L3MBTL3: variants seen among roughly 807,000 people sequenced by gnomAD.
L3MBTL3 encodes L3MBTL histone methyl-lysine binding protein 3.
Under a neutral mutation model 102.3 loss-of-function variants are expected in L3MBTL3, and 27 were observed. The ratio of observed to expected loss-of-function variants is 0.26; its 90% CI spans 0.19 to 0.36. L3MBTL3 has a LOEUF of 0.36. Ranked by LOEUF, L3MBTL3 falls within the 10% of genes least tolerant of loss-of-function variation. L3MBTL3 has a pLI of 1.00. For synonymous variants in L3MBTL3, 340 were observed against 320.9 expected (o/e 1.06, Z -0.64); for missense variants, 798 against 955.3 (o/e 0.84, Z 2.17).
intron 18 of L3MBTL3, among the ~76,000 whole-genome samples, chr6:130,094,859 AAGTAACT>A (rs1784267642): frequency 6.6e-6 from 1 of 152,134 alleles, no homozygotes; most frequent in Non-Finnish European, 1.5e-5. Flanking sequence ...TCTTACCCCT[AAGTAACT>A]TTAAAAAAAA....
intron 19 of L3MBTL3, among the ~76,000 whole-genome samples, chr6:130,107,233 G>A (rs114548892): frequency 0.055 from 8,396 of 152,034 alleles, 474 homozygotes; most frequent in African/African-American, 0.14. Context: ...CTCACTTTCT[G>A]TACCAGGTTT....
intron 18 of L3MBTL3, among the ~76,000 whole-genome samples, chr6:130,100,471 C>T (rs573490183): frequency 6.6e-6 from 1 of 152,128 alleles, no homozygotes; most frequent in South Asian, 2.1e-4. Flanking sequence ...GTTTGTTGAC[C>T]CTTTTGACTC....
chr6:130,040,442 C>T (rs763675000), intron 2 of L3MBTL3, among the ~76,000 whole-genome samples: 2 of 151,874 alleles, frequency 1.3e-5, no homozygotes, highest in African/African-American at 2.4e-5. Flanking sequence ...TTTGCTTAAC[C>T]GAGTTAGGCA....
At chr6:130,027,066 A>G (rs1779399407) in intron 2 of L3MBTL3, among the ~76,000 whole-genome samples, 1 of 152,158 alleles carries the variant, frequency 6.6e-6, no homozygotes, top group Non-Finnish European at 1.5e-5. Context: ...CCAAAAGAGT[A>G]TGTCCCATGT....
At position 130,042,093 on chromosome 6, in the gene L3MBTL3, T is replaced by C. The variant is rs538773044; in HGVS notation, c.-15-592T>C. On this transcript the variant is annotated intron_variant, in intron 2 of 22. Coordinates refer to ENST00000361794, the MANE Select transcript of L3MBTL3 (RefSeq NM_032438.4). ...TTCTCATGTTACAAAGACAACAGTCTTAGAACAACAGTATCAATACCACAA... is the reference window on the plus strand; with the variant it reads ...TTCTCATGTTACAAAGACAACAGTCCTAGAACAACAGTATCAATACCACAA... 9.3e-4 allele frequency among the ~76,000 whole-genome samples: 142 copies of C among 152,322 alleles called. 1 individual carries two copies. Among genetic ancestry groups the C allele is most frequent in the Non-Finnish European group, 1.8e-3 (120 of 68,018 alleles).
intron 7 of L3MBTL3, 107 bp downstream of exon 7, chr6:130,053,098 A>T (rs1468813460): frequency 6.1e-6 from 5 of 817,064 alleles, no homozygotes; most frequent in South Asian, 1.7e-5. Flanking sequence ...TGTGGGTTCC[A>T]GGACTATCTG....
intron 3 of L3MBTL3, among the ~76,000 whole-genome samples, chr6:130,044,362 T>C (rs865803747): frequency 1.3e-5 from 2 of 152,330 alleles, no homozygotes; most frequent in South Asian, 4.1e-4. Context: ...TTATTTCCCT[T>C]GTGTGTTTTT....
chr6:130,138,292 G>A (rs953496), intron 22 of L3MBTL3: 3 of 152,090 alleles, frequency 2.0e-5, no homozygotes, highest in East Asian at 1.9e-4. Flanking sequence ...GAAATGCATC[G>A]TCTCACAGTT....
chr6:130,112,157 C>A (rs983139636), intron 19 of L3MBTL3, among the ~76,000 whole-genome samples: 5 of 152,198 alleles, frequency 3.3e-5, no homozygotes, highest in Admixed American at 2.0e-4. Context: ...TTTCTCATCT[C>A]ACGTCCCAAT....
chr6:130,020,537 T>C (rs1162529200), intron 1 of L3MBTL3: 1 of 151,442 alleles, frequency 6.6e-6, no homozygotes, highest in Non-Finnish European at 1.5e-5. Flanking sequence ...AGCGGGCGTG[T>C]TCCTCCCGGG....
chr6:130,059,999 G>C, intron 9 of L3MBTL3, 37 bp from the exon 10 acceptor site: 1 of 1,156,772 alleles, frequency 8.6e-7, no homozygotes, highest in Non-Finnish European at 1.3e-6. Context: ...AGGGCTTTGG[G>C]ATAAGGGACT....
At chr6:130,053,466 C>T (rs1442985027) in intron 7 of L3MBTL3, among the ~76,000 whole-genome samples, 1 of 151,850 alleles carries the variant, frequency 6.6e-6, no homozygotes, top group East Asian at 1.9e-4. Flanking sequence ...AAACCCCTTC[C>T]TTACTAAAAA....
chr6:130,028,370 A>G (rs72987384), intron 2 of L3MBTL3, among the ~76,000 whole-genome samples: 1 of 152,190 alleles, frequency 6.6e-6, no homozygotes, highest in African/African-American at 2.4e-5. Flanking sequence ...TATCAATAAG[A>G]TGGAACCGCT....
chr6:130,061,750 C>T (rs938090146), intron 10 of L3MBTL3, among the ~76,000 whole-genome samples: 3 of 152,044 alleles, frequency 2.0e-5, no homozygotes, highest in African/African-American at 7.3e-5. Flanking sequence ...CCAGCAAGAG[C>T]GCAAGGCGTG....
intron 22 of L3MBTL3, among the ~76,000 whole-genome samples, chr6:130,136,454 C>T (rs1787676193): frequency 6.6e-6 from 1 of 152,178 alleles, no homozygotes; most frequent in Admixed American, 6.5e-5. Context: ...ACAGAACACT[C>T]TTCCTCCAGA....
At chr6:130,119,137 T>G (rs1201450573) in intron 19 of L3MBTL3, among the ~76,000 whole-genome samples, 2 of 152,166 alleles carry the variant, frequency 1.3e-5, no homozygotes, top group Non-Finnish European at 2.9e-5. Flanking sequence ...TTTTAGCTTT[T>G]GGACTCATGG....
At chr6:130,077,744 A>G (rs1016160338) in intron 13 of L3MBTL3, among the ~76,000 whole-genome samples, 1 of 152,212 alleles carries the variant, frequency 6.6e-6, no homozygotes, top group African/African-American at 2.4e-5. Flanking sequence ...CTAGTTTCCC[A>G]TCAAGAGGGC....
In L3MBTL3 at chr6:130,071,027, A is replaced by G. The variant is rs1212666432; in HGVS notation, c.1144A>G (p.Lys382Glu). The part of the protein sequence containing the change: ...RVGMKLEAVD[K>E]KNPSFICVAT... ...TGGTATGAAGCTTGAGGCAGTAGAC[A>G]AAAAGAATCCCTCATTCATCTGTGT... Residue 382 changes from lysine to glutamate, a missense_variant, in exon 13 of 23, where the codon AAA becomes GAA. Physicochemically the swap from Lys to Glu is moderately conservative, Grantham distance 56 (BLOSUM62 1). Around this residue, in one of 4 missense-constraint regions of L3MBTL3, gnomAD observed 434 missense variants for 506.6 expected, o/e 0.86. Transcript: ENST00000361794. 6.2e-7 allele frequency: 1 copy of G among 1,613,372 alleles called. No homozygotes were observed. Among genetic ancestry groups the G allele is most frequent in the Admixed American group, 1.7e-5 (1 of 59,950 alleles).
chr6:130,100,615 A>G (rs1168023395), intron 18 of L3MBTL3, among the ~76,000 whole-genome samples: 2 of 151,930 alleles, frequency 1.3e-5, no homozygotes, highest in African/African-American at 2.4e-5. Flanking sequence ...TTTATAATTG[A>G]AATTACTCTC....
Sources: gnomAD v4.1 joint callset for allele counts (sites outside exome capture counted in the v4.1 genomes callset) on GRCh38, gnomAD v4.1.1 for gene constraint, gnomAD v4.1.1 regional missense constraint, MANE v1.5 for transcripts, NCBI Gene and HGNC (gene_info 2026-07-23, HGNC 2026-07-21) for gene names.